Variants in CRYBB1 observed in about 807,000 individuals in gnomAD.
CRYBB1 encodes the protein crystallin beta B1, also known as beta-crystallin B1.
CRYBB1 carries 16 observed loss-of-function variants against 29.5 expected under a neutral mutation model. The ratio of observed to expected loss-of-function variants is 0.54; its 90% CI spans 0.37 to 0.82. The LOEUF is 0.82. CRYBB1 is among the 40% of genes least tolerant of loss of function. The probability of loss-of-function intolerance (pLI) is 0.00; values close to 1 mark genes in which losing one functional copy is unlikely to be tolerated. For missense variants in CRYBB1, 300 were observed against 350.5 expected, an observed-to-expected ratio of 0.86 and a Z score of 1.15; for synonymous variants, 127 against 136.7, an observed-to-expected ratio of 0.93 and a Z score of 0.49.
chr22:26,601,424 C>T (rs1308998896), intron 5 of CRYBB1, among the ~76,000 whole-genome samples: 2 of 152,024 alleles, frequency 1.3e-5, no homozygotes, highest in Non-Finnish European at 2.9e-5. Context: ...TTTAGGCTCA[C>T]TCGAGTTCCT....
chr22:26,600,769 T>C (rs2086278980), intron 5 of CRYBB1, among the ~76,000 whole-genome samples: 1 of 152,242 alleles, frequency 6.6e-6, no homozygotes, highest in African/African-American at 2.4e-5. Context: ...CTCCCTATAT[T>C]GTAAAGCCTG....
intron 2 of CRYBB1, among the ~76,000 whole-genome samples, chr22:26,615,599 C>T (rs1046421581): frequency 2.0e-5 from 3 of 151,272 alleles, no homozygotes; most frequent in Non-Finnish European, 4.4e-5. Flanking sequence ...CTGCAACCTC[C>T]GCCTCCTGGG....
Position 26,599,488 on chromosome 22 carries a change from A to T in CRYBB1, c.*2T>A. ...GGCAAGGTAGCAGAGTGAGGTGTGG[A>T]CTCACTTGGGGGGCTCTGTGGCCAG... is the stretch of plus-strand genomic sequence containing the variant. On this transcript the variant is annotated 3_prime_UTR_variant, in exon 6 of 6. Coordinates refer to ENST00000647684, the MANE Select transcript of CRYBB1 (RefSeq NM_001887.4). 1.2e-6 allele frequency: 2 copies of T among 1,609,064 alleles called. No homozygotes were observed. Among genetic ancestry groups the T allele is most frequent in the Non-Finnish European group, 1.7e-6 (2 of 1,176,984 alleles).
chr22:26,608,000 G>A lies in CRYBB1; in HGVS notation c.321C>T (p.Ser107=). Residue 107 remains serine (S), a synonymous_variant, in exon 4 of 6, where the codon TCC becomes TCT. Coordinates refer to ENST00000647684, the MANE Select transcript of CRYBB1 (RefSeq NM_001887.4). ...SAGPWVAFEQ[S]NFRGEMFILE... is the part of the protein sequence containing the mutation. ...GGATGAACATCTCCCCGCGGAAGTT[G>A]GACTGCTCAAAGGCGACCCAGCTGG... 6.2e-7 allele frequency: 1 copy of A among 1,614,198 alleles called. No individual in the cohort carries two copies. Among genetic ancestry groups the A allele is most frequent in the Non-Finnish European group, 8.5e-7 (1 of 1,180,042 alleles).
intron 3 of CRYBB1, among the ~76,000 whole-genome samples, chr22:26,611,539 A>G (rs1005003460): frequency 1.3e-5 from 2 of 150,702 alleles, no homozygotes; most frequent in Non-Finnish European, 3.0e-5. Context: ...CAGTGGCGCA[A>G]TCTCGGCTCA....
intron 1 of CRYBB1, among the ~76,000 whole-genome samples, chr22:26,617,154 T>G (rs900317458): frequency 1.3e-5 from 2 of 151,852 alleles, no homozygotes; most frequent in Non-Finnish European, 2.9e-5. Flanking sequence ...ATGTGGAGGG[T>G]TCTGAAAATG....
At chr22:26,607,702 A>G (rs887747429) in intron 4 of CRYBB1, among the ~76,000 whole-genome samples, 187 bp downstream of exon 4, 3 of 152,148 alleles carry the variant, frequency 2.0e-5, no homozygotes, top group Admixed American at 6.5e-5. Flanking sequence ...CTAGCTGGGT[A>G]TGTAGTGAGT....
Position 26,607,985 on chromosome 22 carries a change from C to T in CRYBB1, c.336G>A (p.Glu112=). 6.2e-7 allele frequency: 1 copy of T among 1,614,202 alleles called. No individual in the cohort carries two copies. The highest frequency in any genetic ancestry group is 8.5e-7 in the Non-Finnish European group (1 of 1,180,040). Residue 112 remains glutamate, a synonymous_variant, in exon 4 of 6, where the codon GAG becomes GAA. Coordinates refer to ENST00000647684, the MANE Select transcript of CRYBB1 (RefSeq NM_001887.4). Reference sequence around the variant, plus strand: ...ACTCGCCCTTCTCCAGGATGAACATCTCCCCGCGGAAGTTGGACTGCTCAA... The same window carrying T: ...ACTCGCCCTTCTCCAGGATGAACATTTCCCCGCGGAAGTTGGACTGCTCAA... The part of the protein sequence containing the change: ...VAFEQSNFRG[E]MFILEKGEYP...
chr22:26,601,331 G>A (rs189592801), intron 5 of CRYBB1, among the ~76,000 whole-genome samples: 19 of 152,228 alleles, frequency 1.2e-4, no homozygotes, highest in East Asian at 5.8e-4. Context: ...GATCCTGAGC[G>A]TTCAGAGCAG....
At chr22:26,603,144 AC>A (rs1382881251) in intron 4 of CRYBB1, among the ~76,000 whole-genome samples, 28 of 150,810 alleles carry the variant, frequency 1.9e-4, no homozygotes, top group Non-Finnish European at 2.1e-4. Flanking sequence ...AAAAAAAAAA[AC>A]AAAAAACAAA....
Position 26,602,007 on chromosome 22 carries a change from G to A in CRYBB1, c.447C>T (p.His149=), listed in dbSNP as rs1703357052. 1.2e-6 allele frequency: 2 copies of A among 1,613,658 alleles called. No homozygotes were observed. Among genetic ancestry groups the A allele is most frequent in the Non-Finnish European group, 1.7e-6 (2 of 1,179,906 alleles). The change falls in exon 5 of 6, where the codon CAC becomes CAT. Residue 149 remains histidine (H), a synonymous_variant. Coordinates refer to ENST00000647684, the MANE Select transcript of CRYBB1 (RefSeq NM_001887.4). The stretch of plus-strand genomic sequence containing the variant: ...TGGCCCCTTCAAACAGGGAGATTTT[G>A]TGCTCCTGGGCATCCTGGGGAAAGA... ...FRPIKMDAQE[H]KISLFEGANF...
At chr22:26,600,229 G>A (rs367992926) in intron 5 of CRYBB1, among the ~76,000 whole-genome samples, 12 of 152,150 alleles carry the variant, frequency 7.9e-5, no homozygotes, top group African/African-American at 2.4e-4. Context: ...GTGAAACCCC[G>A]TCTCTACTAA....
Position 26,604,056 on chromosome 22 carries a change from C to T in CRYBB1, c.433-2035G>A, listed in dbSNP as rs1602322342. ...AAAGTTCGTCTGTTATTTCTGAGGG[C>T]AGGGATCATCCATCTTTTCAAAAGT... On this transcript the variant is annotated intron_variant, in intron 4 of 5. Transcript: ENST00000647684. Among the ~76,000 whole-genome samples, 5 of 152,196 alleles carry T rather than the reference C, an allele frequency of 3.3e-5. No homozygotes were observed. The South Asian group carries it at 8.3e-4, about 25-fold the overall frequency.
intron 2 of CRYBB1, among the ~76,000 whole-genome samples, chr22:26,614,529 C>T (rs1473060133): frequency 4.6e-5 from 7 of 152,142 alleles, no homozygotes; most frequent in Non-Finnish European, 8.8e-5. Context: ...CCACTGAAAT[C>T]GTGCTTAGCA....
In CRYBB1 at chr22:26,616,269, T is replaced by G. The variant is rs779669919; in HGVS notation, c.51A>C (p.Pro17=). The part of the protein sequence containing the change: ...ASASATVAVN[P]GPDTKGKGAP... ...CCCCCTTCCCCTTGGTGTCAGGCCC[T>G]GGGTTCACCGCCACTGTGGCCGAGG... The change falls in exon 2 of 6, where the codon CCA becomes CCC. Residue 17 remains proline (P), a synonymous_variant. Transcript: ENST00000647684. 1 of 1,613,838 alleles carries G rather than the reference T, an allele frequency of 6.2e-7. No homozygotes were observed.
At chr22:26,608,835 T>G (rs543568666) in intron 3 of CRYBB1, among the ~76,000 whole-genome samples, 6 of 152,300 alleles carry the variant, frequency 3.9e-5, no homozygotes, top group South Asian at 4.2e-4. Context: ...GATGGTAATA[T>G]CTACCCTCAG....
At chr22:26,611,576 G>A (rs1180012136) in intron 3 of CRYBB1, among the ~76,000 whole-genome samples, 1 of 150,828 alleles carries the variant, frequency 6.6e-6, no homozygotes, top group Non-Finnish European at 1.5e-5. Flanking sequence ...CCGGGTTCAC[G>A]CCATTCTCCT....
intron 1 of CRYBB1, among the ~76,000 whole-genome samples, chr22:26,617,319 T>G (rs1929389656): frequency 6.6e-6 from 1 of 152,168 alleles, no homozygotes; most frequent in African/African-American, 2.4e-5. Context: ...TTGGAGACAA[T>G]GTTAAGGGAT....
chr22:26,610,627 G>A (rs1169825271), intron 3 of CRYBB1, among the ~76,000 whole-genome samples: 4 of 152,176 alleles, frequency 2.6e-5, no homozygotes, highest in Non-Finnish European at 5.9e-5. Flanking sequence ...AAATGGTCCC[G>A]GGTAGCCTCC....
Sources: gnomAD v4.1 joint callset for allele counts (sites outside exome capture counted in the v4.1 genomes callset) on GRCh38, gnomAD v4.1.1 for gene constraint, MANE v1.5 for transcripts, NCBI Gene and HGNC (gene_info 2026-07-23, HGNC 2026-07-21) for gene names.